The following DLG2 variants were observed in gnomAD, a reference collection of about 807,000 sequenced individuals.
DLG2 encodes disks large homolog 2.
DLG2 carries 45 observed loss-of-function variants against 132.5 expected under a neutral mutation model. The ratio of observed to expected loss-of-function variants is 0.34; its 90% CI spans 0.27 to 0.44. The LOEUF (loss-of-function observed/expected upper bound fraction) is 0.44, where lower values mean the gene tolerates loss of function less well. Ranked by LOEUF, DLG2 falls within the 20% of genes least tolerant of loss-of-function variation. DLG2 has a pLI of 1.00. For missense variants in DLG2, 1,045 were observed against 1,196.9 expected, an observed-to-expected ratio of 0.87 and a Z score of 1.87; for synonymous variants, 424 against 419.6, an observed-to-expected ratio of 1.01 and a Z score of -0.13.
Position 84,502,247 on chromosome 11 carries a change from C to T in DLG2, c.519+32323G>A, listed in dbSNP as rs1236070806. On this transcript the variant is annotated intron_variant, in intron 7 of 27. Coordinates refer to ENST00000376104, the MANE Select transcript of DLG2 (RefSeq NM_001142699.3). ...CCTTCCTTCCTTCCTTCCTTCCTTCCTTCCTTCCTTCCTTCCTTCCTTCCT... is the reference window on the plus strand; with the variant it reads ...CCTTCCTTCCTTCCTTCCTTCCTTCTTTCCTTCCTTCCTTCCTTCCTTCCT... 2.0e-4 allele frequency among the ~76,000 whole-genome samples: 7 copies of T among 35,202 alleles called. No homozygotes were observed. In the African/African-American group the frequency reaches 2.7e-3, roughly 14 times the overall value. The allele number at this position is 35,202 out of a possible 152,430, so 23.1% of individuals were successfully genotyped here.
chr11:84,525,833 G>T lies in DLG2; in HGVS notation c.519+8737C>A, dbSNP rs532760729. 9.2e-5 allele frequency among the ~76,000 whole-genome samples: 14 copies of T among 152,238 alleles called. No homozygotes were observed. In the South Asian group the frequency reaches 2.9e-3, roughly 32 times the overall value. On this transcript the variant is annotated intron_variant, in intron 7 of 27. Transcript: ENST00000376104. ...TCCTTAATTCTTACATTATGCGTCA[G>T]TATCCTAGCCAACTACTTGGCAATT... is the stretch of plus-strand genomic sequence containing the variant.
chr11:85,449,579 T>C (rs1376519312), intron 3 of DLG2, among the ~76,000 whole-genome samples: 2 of 152,232 alleles, frequency 1.3e-5, no homozygotes, highest in Non-Finnish European at 2.9e-5. Context: ...TTTTAAACAT[T>C]ATATGAAGTG....
intron 6 of DLG2, among the ~76,000 whole-genome samples, chr11:84,716,699 G>C (rs1041467894): frequency 1.4e-5 from 2 of 144,490 alleles, no homozygotes; most frequent in Non-Finnish European, 1.5e-5. Context: ...ATGGCATATG[G>C]ACAGGGGCAA....
chr11:84,348,630 C>T (rs2098549308), intron 7 of DLG2, among the ~76,000 whole-genome samples: 1 of 152,042 alleles, frequency 6.6e-6, no homozygotes, highest in Admixed American at 6.6e-5. Context: ...AATTAAGTAC[C>T]CCAAAATGAT....
intron 3 of DLG2, among the ~76,000 whole-genome samples, chr11:85,478,771 T>C (rs1050505692): frequency 6.6e-5 from 10 of 152,248 alleles, no homozygotes; most frequent in African/African-American, 2.2e-4. Context: ...TAGCATTCTA[T>C]ATATTGCTCT....
At chr11:85,177,306 C>CAT (rs1555392246) in intron 4 of DLG2, among the ~76,000 whole-genome samples, 7 of 150,624 alleles carry the variant, frequency 4.6e-5, no homozygotes, top group Non-Finnish European at 7.4e-5. Flanking sequence ...CACACACACA[C>CAT]ACATACATAC....
intron 8 of DLG2, among the ~76,000 whole-genome samples, chr11:84,174,617 A>G (rs1596629808): frequency 6.6e-6 from 1 of 152,166 alleles, no homozygotes; most frequent in East Asian, 1.9e-4. Flanking sequence ...TTTCCCATGT[A>G]TTAGGTTAGG....
chr11:84,193,449 G>A (rs1336561723), intron 8 of DLG2, among the ~76,000 whole-genome samples: 1 of 152,276 alleles, frequency 6.6e-6, no homozygotes, highest in South Asian at 2.1e-4. Context: ...AATGAGTCAA[G>A]ATGTGAAAAC....
chr11:85,016,380 C>T (rs1419811461), intron 6 of DLG2, among the ~76,000 whole-genome samples: 2 of 152,044 alleles, frequency 1.3e-5, no homozygotes, highest in Admixed American at 6.6e-5. Context: ...CAGTGATATC[C>T]ATCACTTTAA....
chr11:83,659,068 A>G (rs906789449), intron 18 of DLG2, among the ~76,000 whole-genome samples: 2 of 152,222 alleles, frequency 1.3e-5, no homozygotes, highest in African/African-American at 2.4e-5. Context: ...CTGTACTTCC[A>G]TATCTCAGTG....
chr11:84,342,796 G>A (rs559421761), intron 7 of DLG2, among the ~76,000 whole-genome samples: 3 of 152,206 alleles, frequency 2.0e-5, no homozygotes, highest in African/African-American at 7.2e-5. Flanking sequence ...TATTTATTGG[G>A]TCTAAAATAG....
At chr11:84,721,214 G>A (rs2061799907) in intron 6 of DLG2, among the ~76,000 whole-genome samples, 1 of 152,026 alleles carries the variant, frequency 6.6e-6, no homozygotes, top group African/African-American at 2.4e-5. Flanking sequence ...ATGCCTTGCC[G>A]GGGGCAGAGG....
At chr11:85,616,653 TA>T (rs2081357169) in intron 2 of DLG2, among the ~76,000 whole-genome samples, 1 of 152,104 alleles carries the variant, frequency 6.6e-6, no homozygotes, top group African/African-American at 2.4e-5. Context: ...GATTCTCGGG[TA>T]CAGGCAGAGA....
intron 3 of DLG2, among the ~76,000 whole-genome samples, chr11:85,401,428 C>G (rs192819801): frequency 6.6e-6 from 1 of 152,066 alleles, no homozygotes; most frequent in South Asian, 2.1e-4. Flanking sequence ...AAAACCAGCA[C>G]AAGACAAGGA....
intron 6 of DLG2, among the ~76,000 whole-genome samples, chr11:84,755,798 C>A (rs185066340): frequency 6.6e-6 from 1 of 152,272 alleles, no homozygotes; most frequent in Non-Finnish European, 1.5e-5. Flanking sequence ...AAAAAGGAAA[C>A]CTGCCCAATT....
intron 7 of DLG2, among the ~76,000 whole-genome samples, chr11:84,493,428 C>G (rs2099170460): frequency 1.3e-5 from 2 of 152,206 alleles, no homozygotes; most frequent in African/African-American, 4.8e-5. Flanking sequence ...CATAAACTCT[C>G]TCCACCCATT....
At chr11:85,604,686 G>T (rs555489801) in intron 2 of DLG2, among the ~76,000 whole-genome samples, 2 of 152,032 alleles carry the variant, frequency 1.3e-5, no homozygotes, top group South Asian at 2.1e-4. Flanking sequence ...GGAGGAAATG[G>T]GGGGGAAGGG....
In DLG2 at chr11:84,148,329, G is replaced by A. The variant is rs551640284; in HGVS notation, c.624+15132C>T. On this transcript the variant is annotated intron_variant, in intron 9 of 27. Coordinates refer to ENST00000376104, the MANE Select transcript of DLG2 (RefSeq NM_001142699.3). Reference sequence around the variant, plus strand: ...ATCAAACCTGTAACCCAGGAAGTGAGCATGGTCCTAAGTAGGATGTGTTTC... The same window carrying A: ...ATCAAACCTGTAACCCAGGAAGTGAACATGGTCCTAAGTAGGATGTGTTTC... Among the ~76,000 whole-genome samples, 26 of 152,230 alleles carry A rather than the reference G, an allele frequency of 1.7e-4. No individual in the cohort carries two copies. In the South Asian group the frequency reaches 3.5e-3, roughly 21 times the overall value.
At chr11:84,868,037 G>A (rs1467053404) in intron 6 of DLG2, among the ~76,000 whole-genome samples, 4 of 151,232 alleles carry the variant, frequency 2.6e-5, no homozygotes, top group African/African-American at 9.7e-5. Context: ...TCGCGCCACT[G>A]CACTCCAGCC....
Sources: gnomAD v4.1 joint callset for allele counts (sites outside exome capture counted in the v4.1 genomes callset) on GRCh38, gnomAD v4.1.1 for gene constraint, MANE v1.5 for transcripts, NCBI Gene and HGNC (gene_info 2026-07-23, HGNC 2026-07-21) for gene names.